ENPEP: variants seen among roughly 807,000 people sequenced by gnomAD.
The protein encoded by ENPEP is AP-A.
A neutral mutation model predicts 114.5 loss-of-function variants in ENPEP; 103 were observed. That is an observed-to-expected ratio of 0.90 (90% confidence interval 0.77 to 1.06). The LOEUF is 1.06. ENPEP is among the 50% of genes least tolerant of loss of function. ENPEP has a pLI of 0.00. For synonymous variants in ENPEP, 420 were observed against 422.0 expected (o/e 1.00, Z 0.06); for missense variants, 1,196 against 1,161.3 (o/e 1.03, Z -0.43).
At position 110,556,408 on chromosome 4, in the gene ENPEP, T is replaced by C. The variant is rs560650275; in HGVS notation, c.2642+2953T>C. 1.6e-4 allele frequency among the ~76,000 whole-genome samples: 25 copies of C among 152,268 alleles called. No individual in the cohort carries two copies. In the South Asian group the frequency reaches 5.0e-3, roughly 30 times the overall value. On this transcript the variant is annotated intron_variant, in intron 18 of 19. Transcript: ENST00000265162. Reference sequence around the variant, plus strand: ...GCTTTTTTTCCTCATCATCCTATATTGTGGGTGTCTTTTCATGTCTTTAAG... The same window carrying C: ...GCTTTTTTTCCTCATCATCCTATATCGTGGGTGTCTTTTCATGTCTTTAAG...
intron 3 of ENPEP, among the ~76,000 whole-genome samples, chr4:110,497,372 A>G (rs2348428): frequency 6.6e-6 from 1 of 151,848 alleles, no homozygotes; most frequent in Admixed American, 6.6e-5. Flanking sequence ...CTTGAAGGAA[A>G]CTGTTTAATT....
Position 110,542,884 on chromosome 4 carries a change from C to T in ENPEP, c.1941C>T (p.His647=), listed in dbSNP as rs1186872104. ...TAGCTACAGCGCTCTCCTTGAACCA[C>T]AAGGTAAGAGATAGCAATGGTTGGA... is the stretch of plus-strand genomic sequence containing the variant. ...DSIATALSLN[H]KTFSSADRAS... is the part of the protein sequence containing the mutation. Residue 647 remains histidine, a synonymous_variant, in exon 12 of 20, where the codon CAC becomes CAT. Transcript: ENST00000265162. 7 of 1,612,566 alleles carry T rather than the reference C, an allele frequency of 4.3e-6. No homozygotes were observed. The highest frequency in any genetic ancestry group is 3.4e-6 in the Non-Finnish European group (4 of 1,179,238).
chr4:110,495,119 C>T (rs1159938393), intron 3 of ENPEP, among the ~76,000 whole-genome samples: 1 of 152,132 alleles, frequency 6.6e-6, no homozygotes, highest in Non-Finnish European at 1.5e-5. Context: ...ATAAGCATGT[C>T]ATGAACATGA....
intron 3 of ENPEP, among the ~76,000 whole-genome samples, chr4:110,503,405 T>A (rs564561214): frequency 1.3e-5 from 2 of 152,336 alleles, no homozygotes; most frequent in South Asian, 4.1e-4. Flanking sequence ...TTCTTTCTTA[T>A]AACGGTTATT....
intron 8 of ENPEP, among the ~76,000 whole-genome samples, chr4:110,518,537 A>G (rs1207725280): frequency 6.6e-6 from 1 of 152,250 alleles, no homozygotes; most frequent in African/African-American, 2.4e-5. Context: ...AATCTAGACA[A>G]TATAAAATTA....
chr4:110,477,590 G>C (rs960675060), intron 1 of ENPEP, among the ~76,000 whole-genome samples: 1 of 151,776 alleles, frequency 6.6e-6, no homozygotes, highest in Non-Finnish European at 1.5e-5. Flanking sequence ...AATTGTCTTT[G>C]TGTCTTCATC....
intron 10 of ENPEP, among the ~76,000 whole-genome samples, chr4:110,528,192 A>G (rs188444491): frequency 7.2e-5 from 11 of 152,312 alleles, no homozygotes; most frequent in Non-Finnish European, 1.6e-4. Context: ...TAAAGTTAAT[A>G]TGTTCATTCT....
intron 11 of ENPEP, among the ~76,000 whole-genome samples, chr4:110,534,302 G>A (rs574611145): frequency 6.6e-6 from 1 of 152,116 alleles, no homozygotes; most frequent in South Asian, 2.1e-4. Flanking sequence ...AATTTCTAAT[G>A]AAAGAAGAGA....
intron 4 of ENPEP, 120 bp downstream of exon 4, chr4:110,506,877 A>G: frequency 1.1e-6 from 1 of 926,314 alleles, no homozygotes; most frequent in Non-Finnish European, 1.6e-6. Flanking sequence ...CTTTTATTCT[A>G]TGCCGACAAT....
At chr4:110,523,115 C>T (rs536564426) in intron 10 of ENPEP, among the ~76,000 whole-genome samples, 2 of 152,082 alleles carry the variant, frequency 1.3e-5, no homozygotes, top group South Asian at 2.1e-4. Flanking sequence ...GTGGGTAGTG[C>T]GGTTGGGAAG....
At chr4:110,477,826 A>G (rs1724170744) in intron 1 of ENPEP, among the ~76,000 whole-genome samples, 1 of 152,212 alleles carries the variant, frequency 6.6e-6, no homozygotes, top group Non-Finnish European at 1.5e-5. Flanking sequence ...ACAAATATCT[A>G]TCTAGATAGA....
chr4:110,483,140 A>G (rs1724377557), intron 1 of ENPEP, among the ~76,000 whole-genome samples: 1 of 152,118 alleles, frequency 6.6e-6, no homozygotes, highest in African/African-American at 2.4e-5. Context: ...TCTTCTACAT[A>G]GAAAAAAAAA....
intron 17 of ENPEP, among the ~76,000 whole-genome samples, chr4:110,550,544 C>T (rs552757719): frequency 5.3e-5 from 8 of 152,172 alleles, no homozygotes; most frequent in African/African-American, 1.9e-4. Context: ...GCCGCAAATG[C>T]ATTTACACTT....
chr4:110,559,875 A>G (rs192127678), intron 19 of ENPEP, 150 bp downstream of exon 19: 350 of 632,896 alleles, frequency 5.5e-4, no homozygotes, highest in Non-Finnish European at 6.7e-5. Context: ...TGCTGCACCT[A>G]TCAACCCGCC....
intron 6 of ENPEP, among the ~76,000 whole-genome samples, chr4:110,511,699 T>C (rs1202760501): frequency 6.6e-6 from 1 of 152,162 alleles, no homozygotes; most frequent in African/African-American, 2.4e-5. Flanking sequence ...ACTTCTTAAG[T>C]GAAATTTAAT....
At chr4:110,507,397 C>A (rs1725411026) in intron 4 of ENPEP, among the ~76,000 whole-genome samples, 2 of 152,318 alleles carry the variant, frequency 1.3e-5, no homozygotes, top group South Asian at 4.1e-4. Context: ...GAGCTATTAA[C>A]AAAGACTTTA....
At position 110,513,379 on chromosome 4, in the gene ENPEP, AATACTAT is replaced by A. The variant is rs952612898; in HGVS notation, c.1309-33_1309-27del. 6 of 1,592,342 alleles carry A rather than the reference AATACTAT, an allele frequency of 3.8e-6. No individual in the cohort carries two copies. In the African/African-American group the frequency reaches 6.8e-5, roughly 18 times the overall value. ...TTAGTTTATAAACTAGTATAAAGGAAATACTATATTCCTTTGGCTCATTCTTTCATTT... is the reference window on the plus strand; with the variant it reads ...TTAGTTTATAAACTAGTATAAAGGAAATTCCTTTGGCTCATTCTTTCATTT... On this transcript the variant is annotated intron_variant, in intron 6 of 19. Coordinates refer to ENST00000265162, the MANE Select transcript of ENPEP (RefSeq NM_001977.4).
chr4:110,513,265 G>T, intron 6 of ENPEP, 150 bp from the exon 7 acceptor site: 1 of 823,322 alleles, frequency 1.2e-6, no homozygotes, highest in Admixed American at 3.3e-5. Flanking sequence ...CTCAATCAGT[G>T]CAAAGTATGA....
At chr4:110,493,986 T>C (rs1249208791) in intron 3 of ENPEP, among the ~76,000 whole-genome samples, 2 of 152,098 alleles carry the variant, frequency 1.3e-5, no homozygotes, top group Non-Finnish European at 1.5e-5. Flanking sequence ...TAGTGATAAC[T>C]GGAGAAACAA....
Sources: allele counts gnomAD v4.1 joint callset (sites outside exome capture counted in the v4.1 genomes callset), GRCh38; gene constraint gnomAD v4.1.1; transcripts MANE v1.5; gene names NCBI Gene and HGNC (gene_info 2026-07-23, HGNC 2026-07-21).